GPC5: variants seen among roughly 807,000 people sequenced by gnomAD.
GPC5 encodes glypican 5, also known as glypican-5.
In GPC5, 47 loss-of-function variants were observed where a neutral mutation model predicts 53.9. The ratio of observed to expected loss-of-function variants is 0.87; its 90% CI spans 0.69 to 1.11. The LOEUF (loss-of-function observed/expected upper bound fraction) is 1.11, where lower values mean the gene tolerates loss of function less well. Among genes scored for constraint, GPC5 ranks in the 50% most tolerant of loss-of-function variants. The pLI is 0.00. For missense variants in GPC5, 748 were observed against 713.1 expected (o/e 1.05, Z -0.56); for synonymous variants, 286 against 263.3 (o/e 1.09, Z -0.84).
At chr13:91,899,592 A>C (rs193034863) in intron 5 of GPC5, among the ~76,000 whole-genome samples, 1 of 152,260 alleles carries the variant, frequency 6.6e-6, no homozygotes, top group East Asian at 1.9e-4. Flanking sequence ...ATACTTTAGA[A>C]TGCGACTTAT....
intron 6 of GPC5, among the ~76,000 whole-genome samples, chr13:91,990,264 C>G (rs959527088): frequency 1.3e-5 from 2 of 152,126 alleles, no homozygotes; most frequent in Non-Finnish European, 2.9e-5. Flanking sequence ...AGCAAAATGT[C>G]AGGAGAGACA....
At chr13:92,758,734 A>G (rs1470250738) in intron 7 of GPC5, among the ~76,000 whole-genome samples, 1 of 152,116 alleles carries the variant, frequency 6.6e-6, no homozygotes, top group Non-Finnish European at 1.5e-5. Context: ...CCTGTAAAAA[A>G]TAATAATTCA....
chr13:92,541,182 G>A (rs148427709), intron 7 of GPC5, among the ~76,000 whole-genome samples: 232 of 151,800 alleles, frequency 1.5e-3, no homozygotes, highest in African/African-American at 5.1e-3. Flanking sequence ...AACCACAAGC[G>A]TATTTTAAAA....
chr13:91,915,099 C>T (rs1487182935), intron 6 of GPC5, among the ~76,000 whole-genome samples: 1 of 152,174 alleles, frequency 6.6e-6, no homozygotes, highest in Non-Finnish European at 1.5e-5. Flanking sequence ...GACATTGTCA[C>T]ATCCCCAGGC....
intron 7 of GPC5, among the ~76,000 whole-genome samples, chr13:92,345,643 C>T (rs2043404876): frequency 6.6e-6 from 1 of 152,190 alleles, no homozygotes; most frequent in Non-Finnish European, 1.5e-5. Context: ...CACTATGATG[C>T]TGTCCTTCAT....
intron 2 of GPC5, among the ~76,000 whole-genome samples, chr13:91,635,903 AG>A (rs1377869964): frequency 6.6e-6 from 1 of 152,148 alleles, no homozygotes; most frequent in Non-Finnish European, 1.5e-5. Flanking sequence ...TTCCTATTCA[AG>A]AAGAAGATGA....
intron 7 of GPC5, among the ~76,000 whole-genome samples, chr13:92,526,839 T>C (rs1881301124): frequency 6.6e-6 from 1 of 151,724 alleles, no homozygotes; most frequent in African/African-American, 2.4e-5. Context: ...TTAAATATAA[T>C]GGAAATCTAG....
chr13:92,706,380 G>T (rs1324784221), intron 7 of GPC5, among the ~76,000 whole-genome samples: 1 of 151,502 alleles, frequency 6.6e-6, no homozygotes, highest in African/African-American at 2.4e-5. Context: ...AAAATATATT[G>T]GTCTGATCAT....
At chr13:92,156,331 G>C (rs2041944897) in intron 7 of GPC5, among the ~76,000 whole-genome samples, 1 of 152,102 alleles carries the variant, frequency 6.6e-6, no homozygotes, top group Non-Finnish European at 1.5e-5. Flanking sequence ...CCTTATAACA[G>C]AGCCCTTGCA....
chr13:92,627,513 A>T (rs1885085576), intron 7 of GPC5, among the ~76,000 whole-genome samples: 1 of 152,214 alleles, frequency 6.6e-6, no homozygotes, highest in Non-Finnish European at 1.5e-5. Context: ...GGACTTCTGA[A>T]CTTCTAAAAT....
intron 2 of GPC5, among the ~76,000 whole-genome samples, chr13:91,549,755 C>G (rs2030516825): frequency 6.6e-6 from 1 of 152,080 alleles, no homozygotes; most frequent in Non-Finnish European, 1.5e-5. Flanking sequence ...GAACACTGAC[C>G]CACACTAAAT....
intron 7 of GPC5, among the ~76,000 whole-genome samples, chr13:92,220,090 A>T (rs923176295): frequency 6.6e-6 from 1 of 152,158 alleles, no homozygotes; most frequent in Non-Finnish European, 1.5e-5. Context: ...TTAATAATTG[A>T]TGTTTACATT....
At chr13:92,180,588 A>G (rs189469038) in intron 7 of GPC5, 6 of 153,700 alleles carry the variant, frequency 3.9e-5, no homozygotes, top group African/African-American at 1.4e-4. Context: ...TGCATGTAAA[A>G]TGTTTGTGAT....
chr13:92,110,891 AT>A (rs2041551354), intron 6 of GPC5, among the ~76,000 whole-genome samples: 1 of 152,200 alleles, frequency 6.6e-6, no homozygotes, highest in Admixed American at 6.5e-5. Context: ...AGGAAAAGGA[AT>A]CTTTCCTAAA....
At chr13:91,912,762 T>G (rs771655740) in intron 6 of GPC5, among the ~76,000 whole-genome samples, 4 of 152,178 alleles carry the variant, frequency 2.6e-5, no homozygotes, top group Non-Finnish European at 5.9e-5. Context: ...TAAAGACTAA[T>G]AGGAATATCA....
chr13:91,934,860 T>A (rs529138005), intron 6 of GPC5, among the ~76,000 whole-genome samples: 1 of 151,978 alleles, frequency 6.6e-6, no homozygotes, highest in Non-Finnish European at 1.5e-5. Context: ...CATACCAACA[T>A]TGACCACAAG....
intron 2 of GPC5, among the ~76,000 whole-genome samples, chr13:91,525,136 C>A (rs1481669647): frequency 6.6e-6 from 1 of 152,126 alleles, no homozygotes; most frequent in Non-Finnish European, 1.5e-5. Context: ...TTCCTCTATA[C>A]AAACGAACTA....
At chr13:92,579,767 T>G (rs1883315050) in intron 7 of GPC5, among the ~76,000 whole-genome samples, 1 of 152,178 alleles carries the variant, frequency 6.6e-6, no homozygotes, top group South Asian at 2.1e-4. Context: ...ATATCTCTTT[T>G]GAATTCTGCC....
chr13:92,174,192 T>C (rs865889959), intron 7 of GPC5, among the ~76,000 whole-genome samples: 2 of 152,024 alleles, frequency 1.3e-5, no homozygotes, highest in Non-Finnish European at 1.5e-5. Context: ...AATATGTGTC[T>C]ATGTATATTT....
Sources: gnomAD v4.1 joint callset for allele counts (sites outside exome capture counted in the v4.1 genomes callset) on GRCh38, gnomAD v4.1.1 for gene constraint, MANE v1.5 for transcripts, NCBI Gene and HGNC (gene_info 2026-07-23, HGNC 2026-07-21) for gene names.